The following MYOM1 variants were observed in gnomAD, a reference collection of about 807,000 sequenced individuals.
The protein encoded by MYOM1 is myomesin 1.
In MYOM1, 164 loss-of-function variants were observed where a neutral mutation model predicts 205.3. That is an observed-to-expected ratio of 0.80 (90% CI 0.70 to 0.91). The LOEUF (loss-of-function observed/expected upper bound fraction) is 0.91. Among genes scored for constraint, MYOM1 ranks in the 40% least tolerant of loss-of-function variants. The pLI, the probability that MYOM1 is intolerant of heterozygous loss-of-function variation, is 0.00. For synonymous variants in MYOM1, 772 were observed against 789.4 expected (o/e 0.98, Z 0.37); for missense variants, 2,011 against 2,127.3 (o/e 0.95, Z 1.08).
intron 6 of MYOM1, among the ~76,000 whole-genome samples, chr18:3,174,626 C>A (rs2080609541): frequency 6.6e-6 from 1 of 152,176 alleles, no homozygotes; most frequent in Admixed American, 6.5e-5. Flanking sequence ...CCCAGAGGCA[C>A]ACTGGAGGGC....
chr18:3,201,916 T>C (rs2081073556), intron 2 of MYOM1, among the ~76,000 whole-genome samples: 2 of 152,128 alleles, frequency 1.3e-5, no homozygotes, highest in Admixed American at 6.6e-5. Flanking sequence ...AGTGCTGGAA[T>C]TGCACATGTA....
At chr18:3,145,600 A>G (rs1325991279) in intron 13 of MYOM1, among the ~76,000 whole-genome samples, 3 of 152,204 alleles carry the variant, frequency 2.0e-5, no homozygotes, top group African/African-American at 4.8e-5. Flanking sequence ...TGAAAACACA[A>G]CAGATCAAAA....
At chr18:3,183,648 CCTT>C (rs2144126325) in intron 5 of MYOM1, among the ~76,000 whole-genome samples, 1 of 152,282 alleles carries the variant, frequency 6.6e-6, no homozygotes, top group South Asian at 2.1e-4. Context: ...CAAATTTACT[CCTT>C]TAATAAACCT....
chr18:3,077,449 G>A (rs190333516), intron 34 of MYOM1, among the ~76,000 whole-genome samples: 1 of 152,282 alleles, frequency 6.6e-6, no homozygotes, highest in East Asian at 1.9e-4. Context: ...GGAAAAATAA[G>A]TATAAAGCTA....
intron 10 of MYOM1, among the ~76,000 whole-genome samples, chr18:3,159,423 A>T (rs1006506152): frequency 2.0e-5 from 3 of 152,208 alleles, no homozygotes; most frequent in Non-Finnish European, 4.4e-5. Context: ...AAGTTTTTTT[A>T]AAAATAAAAT....
chr18:3,233,264 A>C, the MYOM1 span, among the ~76,000 whole-genome samples: 294 of 152,348 alleles, frequency 1.9e-3, 1 homozygote, highest in Admixed American at 4.1e-3. Context: ...ACACAGGATT[A>C]CTTTCATCAT....
In MYOM1 at chr18:3,129,284, C is replaced by T. The variant is rs773247406; in HGVS notation, c.2742G>A (p.Ala914=). 17 of 1,613,870 alleles carry T rather than the reference C, an allele frequency of 1.1e-5. No individual in the cohort carries two copies. Among genetic ancestry groups the T allele is most frequent in the African/African-American group, 2.7e-5 (2 of 74,912 alleles). ...QEELTPPPQK[A]APQGKSKSDP... The stretch of plus-strand genomic sequence containing the variant: ...CAGACTTACTTTTCCCCTGAGGAGC[C>T]GCTTTCTGTGGTGGCGGGGTAAGCT... The change falls in exon 18 of 38, where the codon GCG becomes GCA. Residue 914 remains alanine (A), a synonymous_variant. Transcript: ENST00000356443.
At position 3,191,887 on chromosome 18, in the gene MYOM1, C is replaced by A. The variant is rs111385915; in HGVS notation, c.431+1931G>T. ...ATTTTTTTGTATTTTTAGTAGAGAC[C>A]GGGTTTCACCGTGTTAGCCAGGATG... On this transcript the variant is annotated intron_variant, in intron 3 of 37. Transcript: ENST00000356443. 1.4e-3 allele frequency among the ~76,000 whole-genome samples: 218 copies of A among 151,884 alleles called. 1 individual carries two copies. The highest frequency in any genetic ancestry group is 4.9e-3 in the African/African-American group (202 of 41,400).
the MYOM1 span, among the ~76,000 whole-genome samples, chr18:3,238,257 T>A: frequency 1.3e-5 from 2 of 152,114 alleles, no homozygotes; most frequent in South Asian, 4.1e-4. Flanking sequence ...ATAGGGCTCA[T>A]GCTCCTAAGA....
chr18:3,173,135 A>C (rs2080585587), intron 8 of MYOM1, among the ~76,000 whole-genome samples: 1 of 152,224 alleles, frequency 6.6e-6, no homozygotes, highest in Non-Finnish European at 1.5e-5. Flanking sequence ...ACAACCATAA[A>C]GATTTTACTT....
At chr18:3,172,765 C>A (rs1473644556) in intron 8 of MYOM1, among the ~76,000 whole-genome samples, 3 of 152,178 alleles carry the variant, frequency 2.0e-5, no homozygotes, top group Non-Finnish European at 4.4e-5. Flanking sequence ...CCCACCTCCG[C>A]CTCGCAAAGT....
intron 2 of MYOM1, among the ~76,000 whole-genome samples, chr18:3,196,620 T>C (rs1203837921): frequency 1.3e-5 from 2 of 152,234 alleles, no homozygotes; most frequent in African/African-American, 4.8e-5. Context: ...CAGGTATCTA[T>C]GAGCCTGTAA....
intron 20 of MYOM1, among the ~76,000 whole-genome samples, chr18:3,117,334 C>T (rs2079621018): frequency 6.6e-6 from 1 of 152,226 alleles, no homozygotes; most frequent in Non-Finnish European, 1.5e-5. Flanking sequence ...GCGCAGCCCA[C>T]AAATGGGTAA....
the MYOM1 span, among the ~76,000 whole-genome samples, chr18:3,238,286 G>T: frequency 6.6e-6 from 1 of 152,092 alleles, no homozygotes; most frequent in Admixed American, 6.5e-5. Flanking sequence ...AGCCACTGCC[G>T]ATCTGACAGC....
intron 16 of MYOM1, 140 bp downstream of exon 16, chr18:3,134,510 G>T: frequency 1.1e-6 from 1 of 883,338 alleles, no homozygotes; most frequent in Non-Finnish European, 1.6e-6. Context: ...GAAAGTGCTA[G>T]GATTACAGGT....
chr18:3,070,862 C>T (rs553308702), intron 37 of MYOM1, among the ~76,000 whole-genome samples: 41 of 151,958 alleles, frequency 2.7e-4, no homozygotes, highest in South Asian at 1.5e-3. Context: ...TGGGCTCAAG[C>T]GGTCCTCCCA....
intron 21 of MYOM1, among the ~76,000 whole-genome samples, chr18:3,113,228 GTATATATATATACACA>G (rs2079554858): frequency 6.5e-5 from 1 of 15,456 alleles, no homozygotes; most frequent in African/African-American, 1.4e-4. Context: ...ATACACACAT[GTATATATATATACACA>G]CACATCTATG....
At chr18:3,188,221 T>TTAGGTTTTAG (rs1161053914) in intron 4 of MYOM1, among the ~76,000 whole-genome samples, 1 of 152,196 alleles carries the variant, frequency 6.6e-6, no homozygotes, top group African/African-American at 2.4e-5. Context: ...CCATGGAGTT[T>TTAGGTTTTAG]AAAACTATTG....
the MYOM1 span, among the ~76,000 whole-genome samples, chr18:3,235,806 G>C: frequency 6.6e-6 from 1 of 152,190 alleles, no homozygotes; most frequent in Non-Finnish European, 1.5e-5. Context: ...TGGAAGCTGG[G>C]TGATGGAGAC....
Sources: gnomAD v4.1 joint callset for allele counts (sites outside exome capture counted in the v4.1 genomes callset) on GRCh38, gnomAD v4.1.1 for gene constraint, MANE v1.5 for transcripts, NCBI Gene and HGNC (gene_info 2026-07-23, HGNC 2026-07-21) for gene names.